ERCC5: variants seen among roughly 807,000 people sequenced by gnomAD.
ERCC5 encodes DNA excision repair protein ERCC-5.
Under a neutral mutation model 105.6 loss-of-function variants are expected in ERCC5, and 68 were observed. The ratio of observed to expected loss-of-function variants is 0.64; its 90% CI spans 0.53 to 0.79. ERCC5 has a LOEUF of 0.79. ERCC5 is among the 30% of genes least tolerant of loss of function. The pLI is 0.00. For missense variants in ERCC5, 1,373 were observed against 1,426.7 expected (o/e 0.96, Z 0.61); for synonymous variants, 546 against 526.2 (o/e 1.04, Z -0.51).
Position 102,854,383 on chromosome 13 carries a change from TTAAC to T in ERCC5, c.467+12_467+15del. On this transcript the variant is annotated intron_variant, in intron 4 of 14. Transcript: ENST00000652225. ...GAGGAAGAAAAACACAGGTAAATGTTTAACTATTTAAGAATATTATTTTAGTCAT... is the reference window on the plus strand; with the variant it reads ...GAGGAAGAAAAACACAGGTAAATGTTTATTTAAGAATATTATTTTAGTCAT... 6.2e-7 allele frequency: 1 copy of T among 1,612,650 alleles called. No individual in the cohort carries two copies. Among genetic ancestry groups the T allele is most frequent in the Non-Finnish European group, 8.5e-7 (1 of 1,178,660 alleles).
intron 1 of ERCC5, among the ~76,000 whole-genome samples, chr13:102,851,582 C>T (rs1449259459): frequency 7.2e-5 from 11 of 152,094 alleles, no homozygotes; most frequent in South Asian, 2.1e-4. Flanking sequence ...TGTGAGCCAC[C>T]GCGCCCGGCC....
rs1883094186 is a variant in ERCC5 at position 102,873,300 on chromosome 13, A to T, written c.2921A>T (p.Asp974Val). 1 of 1,614,152 alleles carries T rather than the reference A, an allele frequency of 6.2e-7. No individual in the cohort carries two copies. Residue 974 changes from aspartate (D) to valine (V), a missense_variant, in exon 14 of 15, where the codon GAT (aspartate) becomes GTT (valine). By Grantham distance (152) the Asp-to-Val change is radical. Transcript: ENST00000652225. The part of the protein sequence containing the change: ...RYFGWNRTKT[D>V]ESLFPVLKQL... Reference sequence around the variant, plus strand: ...TTCGGCTGGAACAGAACGAAGACAGATGAATCTCTGTTTCCTGTATTAAAG... The same window carrying T: ...TTCGGCTGGAACAGAACGAAGACAGTTGAATCTCTGTTTCCTGTATTAAAG...
rs1431744175 is a variant in ERCC5, at chr13:102,866,361, C to T, written c.2299C>T (p.Gln767Ter). 1 of 1,614,058 alleles carries T rather than the reference C, an allele frequency of 6.2e-7. No homozygotes were observed. The change falls in exon 10 of 15, where the codon CAG becomes TAG. Residue 767 changes from glutamine (Q) to a stop codon, truncating the protein, a stop_gained. Coordinates refer to ENST00000652225, the MANE Select transcript of ERCC5 (RefSeq NM_000123.4). LOFTEE classifies it high-confidence loss of function. ...QERIAATVTG[Q>*]MFLESQELLR... ...ACGGATCGCTGCTACTGTCACCGGA[C>T]AGATGTTCCTGGAAAGCCAGGTGGG...
rs373289587 is a variant in ERCC5 at position 102,866,291 on chromosome 13, C to T, written c.2229C>T (p.Leu743=). 6 of 1,614,236 alleles carry T rather than the reference C, an allele frequency of 3.7e-6. No homozygotes were observed. Among genetic ancestry groups the T allele is most frequent in the Non-Finnish European group, 5.1e-6 (6 of 1,180,038 alleles). Residue 743 remains leucine (L), a synonymous_variant, in exon 10 of 15, where the codon CTC becomes CTT. Transcript: ENST00000652225. ...LEELETLESN[L]LAQQNSLKAQ... is the part of the protein sequence containing the mutation. ...AGTTGGAAACTCTGGAGAGCAACCT[C>T]TTAGCACAGCAGAATTCACTGAAAG...
At chr13:102,863,933 A>G (rs1595384446) in intron 8 of ERCC5, among the ~76,000 whole-genome samples, 2 of 152,186 alleles carry the variant, frequency 1.3e-5, no homozygotes, top group East Asian at 1.9e-4. Context: ...TGTTTATAAA[A>G]TAAATGGAAT....
intron 6 of ERCC5, 55 bp from the exon 7 acceptor site, chr13:102,861,452 A>G (rs1433206991): frequency 3.2e-6 from 5 of 1,581,170 alleles, no homozygotes; most frequent in Non-Finnish European, 4.3e-6. Context: ...AAATATGGTA[A>G]TATTATCTGT....
chr13:102,868,959 A>T (rs568114288), intron 12 of ERCC5, among the ~76,000 whole-genome samples: 2 of 152,214 alleles, frequency 1.3e-5, no homozygotes, highest in Non-Finnish European at 2.9e-5. Flanking sequence ...CATACCACAG[A>T]GTTCACCGAT....
At chr13:102,855,234 T>C (rs549082328) in intron 4 of ERCC5, among the ~76,000 whole-genome samples, 5 of 152,280 alleles carry the variant, frequency 3.3e-5, no homozygotes, top group African/African-American at 1.2e-4. Context: ...AAACACTTTC[T>C]AGCTTCTCCT....
chr13:102,868,080 T>G (rs912096346), intron 11 of ERCC5, 33 bp from the exon 12 acceptor site: 1 of 1,597,218 alleles, frequency 6.3e-7, no homozygotes, highest in Admixed American at 1.7e-5. Context: ...TAAGAAATCT[T>G]GATAAAAATT....
chr13:102,862,692 G>A lies in ERCC5; in HGVS notation c.1543G>A (p.Gly515Arg). ...SAVVRHSDAP[G>R]LPNGRELTPA... ...AGTGGTTAGACATAGTGACGCACCTGGGCTCCCGAATGGAAGGGAACTGAC... is the reference window on the plus strand; with the variant it reads ...AGTGGTTAGACATAGTGACGCACCTAGGCTCCCGAATGGAAGGGAACTGAC... The change falls in exon 8 of 15, where the codon GGG becomes AGG. Residue 515 changes from glycine (G) to arginine (R), a missense_variant. Transcript: ENST00000652225. The A allele has an allele frequency of 6.2e-7, 1 of 1,614,170 alleles. No individual in the cohort carries two copies. The highest frequency in any genetic ancestry group is 1.3e-5 in the African/African-American group (1 of 75,028).
At chr13:102,853,630 G>C in intron 2 of ERCC5, 127 bp from the exon 3 acceptor site, 1 of 903,458 alleles carries the variant, frequency 1.1e-6, no homozygotes, top group African/African-American at 1.7e-5. Flanking sequence ...TGGCAATTAG[G>C]AGGAAATGCT....
rs786200919 is a variant in ERCC5, at chr13:102,862,262, GAGGA to G, written c.1115_1118del (p.Arg372ThrfsTer6). On this transcript the variant is annotated frameshift_variant, in exon 8 of 15. Transcript: ENST00000652225. LOFTEE classifies it high-confidence loss of function. ...GTGAAAATCGAAGGCAGGCCCGTGG[GAGGA>G]ACGCACCTGCTGCTGTAGACGAAGG... 46 of 1,614,048 alleles carry G rather than the reference GAGGA, an allele frequency of 2.8e-5. No individual in the cohort carries two copies. The highest frequency in any genetic ancestry group is 3.7e-5 in the Non-Finnish European group (44 of 1,180,044).
intron 6 of ERCC5, 94 bp downstream of exon 6, chr13:102,858,512 A>G: frequency 1.3e-6 from 2 of 1,542,752 alleles, no homozygotes; most frequent in South Asian, 1.1e-5. Flanking sequence ...CAATACTTAC[A>G]CGATATCTCA....
intron 12 of ERCC5, among the ~76,000 whole-genome samples, chr13:102,869,650 G>A (rs999157123): frequency 3.9e-5 from 6 of 152,004 alleles, no homozygotes; most frequent in South Asian, 2.1e-4. Flanking sequence ...ATCTTTTTGC[G>A]TCTATCAGGG....
rs4150387 is a variant in ERCC5, at chr13:102,875,368, G to A, written c.3026G>A (p.Arg1009His). 189 of 1,613,868 alleles carry A rather than the reference G, an allele frequency of 1.2e-4. No individual in the cohort carries two copies. In the African/African-American group the frequency reaches 1.5e-3, roughly 13 times the overall value. The stretch of plus-strand genomic sequence containing the variant: ...CAACAGGAGAAAGAAGATGCTAAAC[G>A]TATTAAGAGCCAGAGACTAAACAGA... ...LAQQEKEDAK[R>H]IKSQRLNRAV... Residue 1009 changes from arginine (R) to histidine (H), a missense_variant, in exon 15 of 15, where the codon CGT becomes CAT. Physicochemically the swap from Arg to His is conservative, Grantham distance 29. Transcript: ENST00000652225.
chr13:102,850,880 G>A (rs1487192140), intron 1 of ERCC5, among the ~76,000 whole-genome samples: 2 of 152,116 alleles, frequency 1.3e-5, no homozygotes, highest in East Asian at 3.9e-4. Flanking sequence ...AAAGAAGAGG[G>A]CCTGAGAAAG....
At chr13:102,856,198 CTG>C (rs1882412314) in intron 5 of ERCC5, 86 bp downstream of exon 5, 20 of 1,389,114 alleles carry the variant, frequency 1.4e-5, no homozygotes, top group South Asian at 1.1e-4. Context: ...GTATATCAAA[CTG>C]TGAAAGTTCC....
At chr13:102,866,493 C>T in intron 10 of ERCC5, 112 bp downstream of exon 10, 1 of 1,606,332 alleles carries the variant, frequency 6.2e-7, no homozygotes, top group Non-Finnish European at 8.5e-7. Context: ...CCTGGTGATG[C>T]CGTTCCCTGG....
At chr13:102,869,292 C>T (rs940408880) in intron 12 of ERCC5, among the ~76,000 whole-genome samples, 4 of 151,720 alleles carry the variant, frequency 2.6e-5, no homozygotes, top group African/African-American at 7.3e-5. Flanking sequence ...ATTTATATAC[C>T]GGGAATGAGT....
Sources: allele counts gnomAD v4.1 joint callset (sites outside exome capture counted in the v4.1 genomes callset), GRCh38; gene constraint gnomAD v4.1.1; transcripts MANE v1.5; gene names NCBI Gene and HGNC (gene_info 2026-07-23, HGNC 2026-07-21).